CSDE1: variants seen among roughly 807,000 people sequenced by gnomAD.
CSDE1 encodes cold shock domain-containing protein E1.
In CSDE1, 17 loss-of-function variants were observed where a neutral mutation model predicts 89.3. The ratio of observed to expected loss-of-function variants is 0.19; its 90% confidence interval spans 0.13 to 0.29. CSDE1 has a LOEUF of 0.29. Among genes scored for constraint, CSDE1 ranks in the 10% least tolerant of loss-of-function variants. The pLI, the probability that CSDE1 is intolerant of heterozygous loss-of-function variation, is 1.00. For missense variants in CSDE1, 672 were observed against 984.2 expected (o/e 0.68, Z 4.24); for synonymous variants, 322 against 332.8 (o/e 0.97, Z 0.35).
intron 13 of CSDE1, 50 bp downstream of exon 13, chr1:114,726,933 A>T (rs1442252627): frequency 8.1e-7 from 1 of 1,237,462 alleles, no homozygotes; most frequent in Admixed American, 1.8e-5. Flanking sequence ...AGGATTTATG[A>T]TTAAGATGAC....
At chr1:114,740,294 C>T (rs1660650887) in intron 2 of CSDE1, among the ~76,000 whole-genome samples, 1 of 152,144 alleles carries the variant, frequency 6.6e-6, no homozygotes, top group South Asian at 2.1e-4. Context: ...TTTGGTAACG[C>T]TATTTTGAAA....
At chr1:114,756,901 G>T (rs1661627099) in intron 1 of CSDE1, 1 of 152,216 alleles carries the variant, frequency 6.6e-6, no homozygotes, top group Admixed American at 6.5e-5. Context: ...TAAAGCAAAA[G>T]AACCTTGGCA....
At chr1:114,724,995 C>G (rs576564727) in intron 15 of CSDE1, among the ~76,000 whole-genome samples, 9 of 152,148 alleles carry the variant, frequency 5.9e-5, no homozygotes, top group Admixed American at 3.9e-4. Flanking sequence ...CCAGAATCAC[C>G]TAAAGGATTT....
intron 2 of CSDE1, among the ~76,000 whole-genome samples, chr1:114,741,038 A>G (rs1660697946): frequency 6.6e-6 from 1 of 152,334 alleles, no homozygotes; most frequent in African/African-American, 2.4e-5. Context: ...GTAGGTGGTT[A>G]CGTCCTAATT....
chr1:114,739,067 T>C (rs1175636630), intron 3 of CSDE1, among the ~76,000 whole-genome samples: 3 of 152,028 alleles, frequency 2.0e-5, no homozygotes, highest in Non-Finnish European at 4.4e-5. Context: ...GGTCTCGCTC[T>C]GTCGCCCAGG....
intron 4 of CSDE1, 151 bp downstream of exon 4, chr1:114,737,812 A>T: frequency 3.0e-6 from 2 of 658,420 alleles, no homozygotes; most frequent in South Asian, 4.0e-5. Flanking sequence ...AAGAAATGCC[A>T]GTGCTTTTGA....
chr1:114,751,260 T>C (rs951158306), intron 1 of CSDE1, among the ~76,000 whole-genome samples: 4 of 152,206 alleles, frequency 2.6e-5, no homozygotes, highest in Non-Finnish European at 5.9e-5. Context: ...ATATTAGCTA[T>C]AAAATAAACA....
intron 7 of CSDE1, 39 bp from the exon 8 acceptor site, chr1:114,734,156 C>A (rs1332515355): frequency 2.5e-6 from 4 of 1,586,504 alleles, no homozygotes; most frequent in Non-Finnish European, 3.4e-6. Flanking sequence ...TATTACCACT[C>A]TGTACAAATT....
chr1:114,741,520 G>C (rs148247383), intron 2 of CSDE1: 26 of 1,544,368 alleles, frequency 1.7e-5, no homozygotes, highest in Non-Finnish European at 2.3e-5. Flanking sequence ...CTGCTTTCCT[G>C]ACTTACAGAT....
At chr1:114,722,999 CTT>C (rs1475738250) in intron 16 of CSDE1, among the ~76,000 whole-genome samples, 1 of 152,128 alleles carries the variant, frequency 6.6e-6, no homozygotes, top group African/African-American at 2.4e-5. Flanking sequence ...AAGCCATCAT[CTT>C]TTCTTTTTAA....
At chr1:114,754,179 G>C (rs1166194256) in intron 1 of CSDE1, among the ~76,000 whole-genome samples, 2 of 152,142 alleles carry the variant, frequency 1.3e-5, no homozygotes, top group African/African-American at 4.8e-5. Context: ...TTTTAGCACA[G>C]ATGGGGTTTC....
At chr1:114,753,515 C>T (rs1661417387) in intron 1 of CSDE1, among the ~76,000 whole-genome samples, 1 of 152,078 alleles carries the variant, frequency 6.6e-6, no homozygotes, top group African/African-American at 2.4e-5. Context: ...CCACTCATGC[C>T]CGGATTAACA....
At chr1:114,738,150 TA>T (rs1660510900) in intron 3 of CSDE1, 78 bp from the exon 4 acceptor site, 1 of 1,115,044 alleles carries the variant, frequency 9.0e-7, no homozygotes, top group Non-Finnish European at 1.4e-6. Flanking sequence ...ATACTTAACA[TA>T]GCATTTGAAT....
chr1:114,727,098 G>A lies in CSDE1; in HGVS notation c.1357-8C>T, dbSNP rs768055837. The A allele has an allele frequency of 3.2e-6, 5 of 1,579,918 alleles. No individual in the cohort carries two copies. The South Asian group carries it at 4.4e-5, about 14-fold the overall frequency. On this transcript the variant is annotated splice_region_variant and splice_polypyrimidine_tract_variant and intron_variant, in intron 12 of 19. Coordinates refer to ENST00000358528, the MANE Select transcript of CSDE1 (RefSeq NM_001007553.3). Reference sequence around the variant, plus strand: ...AATGCCATCCTCAGCCTCCTAAAGAGATACAGTCAAAAACAGAATGAAAAC... The same window carrying A: ...AATGCCATCCTCAGCCTCCTAAAGAAATACAGTCAAAAACAGAATGAAAAC...
At chr1:114,752,599 C>T (rs536764004) in intron 1 of CSDE1, among the ~76,000 whole-genome samples, 3 of 152,278 alleles carry the variant, frequency 2.0e-5, no homozygotes, top group Admixed American at 6.5e-5. Flanking sequence ...TCCATTACCT[C>T]GCCTAATCCT....
At chr1:114,743,182 C>CT (rs1450198252) in intron 2 of CSDE1, among the ~76,000 whole-genome samples, 38 of 152,166 alleles carry the variant, frequency 2.5e-4, no homozygotes, top group Non-Finnish European at 3.8e-4. Context: ...CAGTCTTGCT[C>CT]TGTCACCCAG....
Position 114,730,549 on chromosome 1 carries a change from G to C in CSDE1, c.1150C>G (p.Gln384Glu), listed in dbSNP as rs764414267. ...TCTACTTCATCTGCAATATGGAGCT[G>C]GTTCCCATCCAGAATTTCACTGAAG... ...FHFSEILDGN[Q>E]LHIADEVEFT... is the part of the protein sequence containing the mutation. The change falls in exon 11 of 20, where the codon CAG becomes GAG. Residue 384 changes from glutamine (Q) to glutamate (E), a missense_variant. Gln to Glu is a conservative substitution (Grantham distance 29). This residue lies in a region of CSDE1 where 169 missense variants were observed against 262.9 expected (regional missense o/e 0.64). Coordinates refer to ENST00000358528, the MANE Select transcript of CSDE1 (RefSeq NM_001007553.3). The C allele has an allele frequency of 1.2e-6, 2 of 1,614,078 alleles. No individual in the cohort carries two copies. The highest frequency in any genetic ancestry group is 1.7e-6 in the Non-Finnish European group (2 of 1,180,030).
Position 114,720,524 on chromosome 1 carries a change from G to A in CSDE1, c.2052+15C>T, listed in dbSNP as rs1057161049. On this transcript the variant is annotated intron_variant, in intron 17 of 19. Coordinates refer to ENST00000358528, the MANE Select transcript of CSDE1 (RefSeq NM_001007553.3). ...TAGAAGGATCAAATTCAGATACAGA[G>A]ATGCTGGCACTTACCTGATCTTTCA... 2 of 1,593,746 alleles carry A rather than the reference G, an allele frequency of 1.3e-6. No individual in the cohort carries two copies. The highest frequency in any genetic ancestry group is 8.6e-7 in the Non-Finnish European group (1 of 1,166,576).
At chr1:114,740,818 AT>A (rs1242801231) in intron 2 of CSDE1, among the ~76,000 whole-genome samples, 1 of 152,246 alleles carries the variant, frequency 6.6e-6, no homozygotes, top group East Asian at 1.9e-4. Flanking sequence ...CAGTAATGAC[AT>A]TTCTAAATCA....
Sources: gnomAD v4.1 joint callset for allele counts (sites outside exome capture counted in the v4.1 genomes callset) on GRCh38, gnomAD v4.1.1 for gene constraint, gnomAD v4.1.1 regional missense constraint, MANE v1.5 for transcripts, NCBI Gene and HGNC (gene_info 2026-07-23, HGNC 2026-07-21) for gene names.